FBXO10: variants seen among roughly 807,000 people sequenced by gnomAD.
FBXO10 encodes the protein F-box protein 10, also known as F-box only protein 10.
A neutral mutation model predicts 80.7 loss-of-function variants in FBXO10; 39 were observed. The observed-to-expected ratio is 0.48, with a 90% CI of 0.37 to 0.63. The LOEUF (loss-of-function observed/expected upper bound fraction) is 0.63, where lower values mean the gene tolerates loss of function less well. Among genes scored for constraint, FBXO10 ranks in the 30% least tolerant of loss-of-function variants. The probability of loss-of-function intolerance (pLI) is 0.00; values close to 1 mark genes in which losing one functional copy is unlikely to be tolerated. For missense variants in FBXO10, 1,025 were observed against 1,269.0 expected, an observed-to-expected ratio of 0.81 and a Z score of 2.92; for synonymous variants, 449 against 489.6, an observed-to-expected ratio of 0.92 and a Z score of 1.09.
intron 2 of FBXO10, among the ~76,000 whole-genome samples, chr9:37,539,553 A>T (rs1433142777): frequency 1.3e-5 from 2 of 152,242 alleles, no homozygotes; most frequent in Non-Finnish European, 2.9e-5. Flanking sequence ...TAGAGGCTGA[A>T]ATCAAAATAT....
chr9:37,537,640 G>A lies in FBXO10; in HGVS notation c.889C>T (p.Leu297=). The change falls in exon 3 of 11, where the codon CTA becomes TTA. Residue 297 remains leucine, a synonymous_variant. Coordinates refer to ENST00000432825, the MANE Select transcript of FBXO10 (RefSeq NM_012166.3). The part of the protein sequence containing the change: ...EDSDFLMSLD[L]ESRDQAWSPK... ...CTCCAGGCCTGGTCCCGGCTCTCTA[G>A]GTCCAGGGACATTAAAAAGTCAGAG... is the stretch of plus-strand genomic sequence containing the variant. 3.1e-6 allele frequency: 5 copies of A among 1,613,984 alleles called. No individual in the cohort carries two copies. The highest frequency in any genetic ancestry group is 8.5e-7 in the Non-Finnish European group (1 of 1,179,894).
chr9:37,545,672 T>C (rs903952909), intron 1 of FBXO10, among the ~76,000 whole-genome samples: 6 of 152,208 alleles, frequency 3.9e-5, no homozygotes, highest in Non-Finnish European at 7.3e-5. Flanking sequence ...TACCTGGATG[T>C]TCCATAGATA....
chr9:37,555,406 T>C (rs1406299188), intron 1 of FBXO10, among the ~76,000 whole-genome samples: 1 of 152,112 alleles, frequency 6.6e-6, no homozygotes, highest in African/African-American at 2.4e-5. Flanking sequence ...GGAGTTTTGC[T>C]CTTGTCATCC....
In FBXO10 at chr9:37,541,304, A is replaced by C. The variant is rs1308708697; in HGVS notation, c.465T>G (p.Ile155Met). 1 of 1,613,910 alleles carries C rather than the reference A, an allele frequency of 6.2e-7. No homozygotes were observed. The highest frequency in any genetic ancestry group is 1.7e-5 in the Admixed American group (1 of 60,016). Residue 155 changes from isoleucine (I) to methionine (M), a missense_variant, in exon 2 of 11, where the codon ATT (isoleucine) becomes ATG (methionine). Physicochemically the swap from Ile to Met is conservative, Grantham distance 10. This residue lies in a region of FBXO10 where 450 missense variants were observed against 499.4 expected (regional missense o/e 0.90). Coordinates refer to ENST00000432825, the MANE Select transcript of FBXO10 (RefSeq NM_012166.3). ...CTTCACCCAACTTCCCCTGCCCTAC[A>C]ATCTCCACAGGCACCTTCAAGATGA... ...GEIILKVPVE[I>M]VGQGKLGEVA...
intron 4 of FBXO10, 71 bp downstream of exon 4, chr9:37,531,838 T>C: frequency 6.4e-7 from 1 of 1,567,862 alleles, no homozygotes; most frequent in Non-Finnish European, 8.8e-7. Context: ...GGGCAACGTG[T>C]ATTTAAATAT....
intron 1 of FBXO10, among the ~76,000 whole-genome samples, chr9:37,570,634 G>T (rs978912462): frequency 1.3e-5 from 2 of 152,056 alleles, no homozygotes; most frequent in Non-Finnish European, 2.9e-5. Flanking sequence ...GGAAAAAAAA[G>T]CATTAAAATG....
At chr9:37,574,457 G>T (rs1161193038) in intron 1 of FBXO10, among the ~76,000 whole-genome samples, 1 of 152,216 alleles carries the variant, frequency 6.6e-6, no homozygotes, top group African/African-American at 2.4e-5. Context: ...TGGCACTATG[G>T]TGAAGGCGGC....
chr9:37,522,798 C>T (rs1285730019), intron 7 of FBXO10, 27 bp downstream of exon 7: 25 of 1,550,630 alleles, frequency 1.6e-5, no homozygotes, highest in African/African-American at 2.7e-5. Flanking sequence ...CCTGCCTCCC[C>T]GGCTGGGTTG....
intron 8 of FBXO10, 121 bp from the exon 9 acceptor site, chr9:37,518,559 C>G: frequency 1.2e-6 from 1 of 817,804 alleles, no homozygotes; most frequent in South Asian, 1.9e-5. Context: ...GAAGAGGTAC[C>G]AACACTCAGA....
In FBXO10 at chr9:37,512,707, C is replaced by T. The variant is rs200694576; in HGVS notation, c.2711G>A (p.Arg904His). The change falls in exon 11 of 11, where the codon CGC becomes CAC. Residue 904 changes from arginine (R) to histidine (H), a missense_variant. By Grantham distance (29) the Arg-to-His change is conservative (BLOSUM62 0). Transcript: ENST00000432825. Reference protein sequence around the residue: ...LVFKKKSDTWRLVNPPARPHL... With the variant: ...LVFKKKSDTWHLVNPPARPHL... ...GGGCCGTGCTGGTGGGTTCACCAGG[C>T]GCCACGTATCAGACCTGGAGGTGCA... 244 of 1,613,474 alleles carry T rather than the reference C, an allele frequency of 1.5e-4. No individual in the cohort carries two copies. Among genetic ancestry groups the T allele is most frequent in the Non-Finnish European group, 1.9e-4 (219 of 1,179,634 alleles).
At chr9:37,525,927 T>C (rs1317001647) in intron 5 of FBXO10, among the ~76,000 whole-genome samples, 1 of 152,092 alleles carries the variant, frequency 6.6e-6, no homozygotes, top group Non-Finnish European at 1.5e-5. Context: ...GCTATGTTGC[T>C]CAGGCTAGCC....
At chr9:37,570,415 TAGAG>T (rs1371374542) in intron 1 of FBXO10, among the ~76,000 whole-genome samples, 1 of 151,674 alleles carries the variant, frequency 6.6e-6, no homozygotes, top group African/African-American at 2.4e-5. Flanking sequence ...TAACCTTAAA[TAGAG>T]AGAATCAAAA....
chr9:37,562,198 G>T (rs1007774366), intron 1 of FBXO10, among the ~76,000 whole-genome samples: 1 of 152,202 alleles, frequency 6.6e-6, no homozygotes, highest in Admixed American at 6.5e-5. Context: ...CTGGGGTCAG[G>T]AATAAAAACA....
rs1821063495 is a variant in FBXO10 at position 37,511,849 on chromosome 9, T to G, written c.*698A>C. 6.6e-6 allele frequency: 1 copy of G among 152,234 alleles called. No individual in the cohort carries two copies. Among genetic ancestry groups the G allele is most frequent in the Non-Finnish European group, 1.5e-5 (1 of 68,176 alleles). 9.4% of individuals were successfully genotyped at this position (152,234 alleles called of 1,614,324 possible). On this transcript the variant is annotated 3_prime_UTR_variant, in exon 11 of 11. Transcript: ENST00000432825. ...TTTGAATCCTTCTGCATTTGGGAGC[T>G]CTCTGGGGATGGAGTAGAGCCTTGT...
chr9:37,523,414 T>G (rs1026933031), intron 6 of FBXO10, among the ~76,000 whole-genome samples: 1 of 151,390 alleles, frequency 6.6e-6, no homozygotes, highest in African/African-American at 2.4e-5. Context: ...ATTAGCCAGG[T>G]GTGGTGGTGC....
chr9:37,526,729 C>T (rs1018970047), intron 5 of FBXO10, among the ~76,000 whole-genome samples: 3 of 152,240 alleles, frequency 2.0e-5, no homozygotes, highest in East Asian at 1.9e-4. Context: ...TCCTAGAGGC[C>T]GCCTGCACTT....
At chr9:37,520,370 G>T (rs1821307070) in intron 8 of FBXO10, among the ~76,000 whole-genome samples, 1 of 132,038 alleles carries the variant, frequency 7.6e-6, no homozygotes, top group Non-Finnish European at 1.6e-5. Context: ...TCACTCCTGA[G>T]CTCTGAGCAC....
intron 1 of FBXO10, among the ~76,000 whole-genome samples, chr9:37,553,293 C>A (rs922500236): frequency 2.0e-5 from 3 of 152,120 alleles, no homozygotes; most frequent in Non-Finnish European, 2.9e-5. Context: ...CCTGCCTCAG[C>A]CTCCCAAAGT....
rs1322897636 is a variant in FBXO10 at position 37,511,246 on chromosome 9, G to A, written c.*1301C>T. 2 of 153,026 alleles carry A rather than the reference G, an allele frequency of 1.3e-5. No individual in the cohort carries two copies. The highest frequency in any genetic ancestry group is 2.4e-5 in the African/African-American group (1 of 41,570). The allele number at this position is 153,026 out of a possible 1,614,324, so 9.5% of individuals were successfully genotyped here. On this transcript the variant is annotated 3_prime_UTR_variant, in exon 11 of 11. Transcript: ENST00000432825. ...AGGCCGAGTGGGAGGGGATTGTTCAGGTTGAGCTGGCCCTGCATCCAGCCC... is the reference window on the plus strand; with the variant it reads ...AGGCCGAGTGGGAGGGGATTGTTCAAGTTGAGCTGGCCCTGCATCCAGCCC...
Sources: allele counts gnomAD v4.1 joint callset (sites outside exome capture counted in the v4.1 genomes callset), GRCh38; gene constraint gnomAD v4.1.1; regional missense constraint gnomAD v4.1.1; transcripts MANE v1.5; gene names NCBI Gene and HGNC (gene_info 2026-07-23, HGNC 2026-07-21).